Variants in ARHGAP44 observed in about 807,000 individuals in gnomAD.
ARHGAP44 encodes Rho GTPase activating protein 44, also known as rho GTPase-activating protein 44.
In ARHGAP44, 43 loss-of-function variants were observed where a neutral mutation model predicts 106.8. The observed-to-expected ratio is 0.40, with a 90% confidence interval of 0.32 to 0.52. The LOEUF (loss-of-function observed/expected upper bound fraction) is 0.52, where lower values mean the gene tolerates loss of function less well. Among genes scored for constraint, ARHGAP44 ranks in the 20% least tolerant of loss-of-function variants. ARHGAP44 has a pLI of 0.48. For synonymous variants in ARHGAP44, 439 were observed against 410.3 expected, an observed-to-expected ratio of 1.07 and a Z score of -0.85; for missense variants, 866 against 1,050.5, an observed-to-expected ratio of 0.82 and a Z score of 2.43.
chr17:12,820,551 G>T (rs778721661), intron 1 of ARHGAP44, among the ~76,000 whole-genome samples: 1 of 152,080 alleles, frequency 6.6e-6, no homozygotes, highest in Non-Finnish European at 1.5e-5. Context: ...TGGCACTATC[G>T]TGGGAATACA....
At chr17:12,807,647 C>A (rs1028988752) in intron 1 of ARHGAP44, among the ~76,000 whole-genome samples, 1 of 152,136 alleles carries the variant, frequency 6.6e-6, no homozygotes, top group Non-Finnish European at 1.5e-5. Flanking sequence ...CAGTTACCTG[C>A]TACACTGGGT....
chr17:12,839,837 C>T (rs2035341644), intron 1 of ARHGAP44, among the ~76,000 whole-genome samples: 1 of 152,028 alleles, frequency 6.6e-6, no homozygotes, highest in Non-Finnish European at 1.5e-5. Context: ...AGGGATTAAC[C>T]CAGGAATAAA....
At chr17:12,847,978 C>A (rs1250521947) in intron 1 of ARHGAP44, among the ~76,000 whole-genome samples, 3 of 152,138 alleles carry the variant, frequency 2.0e-5, no homozygotes, top group Non-Finnish European at 2.9e-5. Flanking sequence ...TTCTCATGAG[C>A]CTTGTTATTA....
chr17:12,861,760 G>A (rs984518561), intron 1 of ARHGAP44, among the ~76,000 whole-genome samples: 1 of 150,420 alleles, frequency 6.6e-6, no homozygotes, highest in Middle Eastern at 3.4e-3. Flanking sequence ...TCAGCCTCCC[G>A]AGTAGCTGGG....
At chr17:12,880,361 A>G (rs1469479133) in intron 1 of ARHGAP44, among the ~76,000 whole-genome samples, 1 of 152,118 alleles carries the variant, frequency 6.6e-6, no homozygotes, top group Non-Finnish European at 1.5e-5. Flanking sequence ...TTCAGAGATA[A>G]CCATCATTAA....
chr17:12,891,697 C>T (rs895155571), intron 1 of ARHGAP44, among the ~76,000 whole-genome samples: 2 of 152,164 alleles, frequency 1.3e-5, no homozygotes, highest in Non-Finnish European at 2.9e-5. Context: ...CTACTATTTA[C>T]ATAACTTATC....
intron 16 of ARHGAP44, among the ~76,000 whole-genome samples, chr17:12,968,492 C>G (rs2039445370): frequency 6.6e-6 from 1 of 152,160 alleles, no homozygotes; most frequent in South Asian, 2.1e-4. Context: ...ACTCCTGCCT[C>G]CTTTACTGCC....
chr17:12,909,021 C>A (rs1166799949), intron 4 of ARHGAP44, 48 bp downstream of exon 4: 6 of 1,508,126 alleles, frequency 4.0e-6, no homozygotes, highest in Non-Finnish European at 5.4e-6. Context: ...AAGTAAGTCC[C>A]CATCCGTGAA....
intron 1 of ARHGAP44, among the ~76,000 whole-genome samples, chr17:12,853,941 C>G (rs1192552560): frequency 6.6e-6 from 1 of 152,148 alleles, no homozygotes; most frequent in Non-Finnish European, 1.5e-5. Context: ...GTGTTCTGGC[C>G]CCAGCTCATT....
chr17:12,980,565 A>G (rs2143409366), intron 19 of ARHGAP44, among the ~76,000 whole-genome samples: 1 of 152,288 alleles, frequency 6.6e-6, no homozygotes, highest in Middle Eastern at 3.4e-3. Flanking sequence ...GAAAAGCTGT[A>G]TAGGGTCATC....
At chr17:12,849,717 C>T (rs1008728835) in intron 1 of ARHGAP44, among the ~76,000 whole-genome samples, 9 of 151,844 alleles carry the variant, frequency 5.9e-5, no homozygotes, top group African/African-American at 1.5e-4. Context: ...GAACAGCATC[C>T]GCAAATTATT....
intron 1 of ARHGAP44, among the ~76,000 whole-genome samples, chr17:12,860,937 A>T (rs1446521547): frequency 1.3e-5 from 2 of 150,330 alleles, no homozygotes; most frequent in African/African-American, 4.9e-5. Flanking sequence ...ACTCACTGCA[A>T]CCTCCACCTC....
At position 12,871,499 on chromosome 17, in the gene ARHGAP44, A is replaced by G. The variant is rs565269160; in HGVS notation, c.54-23441A>G. Among the ~76,000 whole-genome samples, 178 of 152,238 alleles carry G rather than the reference A, an allele frequency of 1.2e-3. 2 individuals carry two copies. The highest frequency in any genetic ancestry group is 3.0e-3 in the African/African-American group (126 of 41,550). ...GGTGGAAGGTGAAGGGGAAGCAATC[A>G]TGTCTTATGTAGCCAGAGCAGGAGG... On this transcript the variant is annotated intron_variant, in intron 1 of 20. Coordinates refer to ENST00000379672, the MANE Select transcript of ARHGAP44 (RefSeq NM_014859.6).
intron 16 of ARHGAP44, among the ~76,000 whole-genome samples, chr17:12,972,356 C>T (rs2039547487): frequency 6.6e-6 from 1 of 152,104 alleles, no homozygotes; most frequent in Non-Finnish European, 1.5e-5. Flanking sequence ...ACTTAGAAGT[C>T]AGTGGATAAG....
At chr17:12,831,141 T>C (rs2035075512) in intron 1 of ARHGAP44, among the ~76,000 whole-genome samples, 1 of 152,210 alleles carries the variant, frequency 6.6e-6, no homozygotes, top group Non-Finnish European at 1.5e-5. Context: ...ATGCCATACC[T>C]TATCTCATTG....
chr17:12,830,217 C>A (rs1433149476), intron 1 of ARHGAP44, among the ~76,000 whole-genome samples: 2 of 152,192 alleles, frequency 1.3e-5, no homozygotes, highest in Non-Finnish European at 2.9e-5. Context: ...GCTAAATTAT[C>A]TTAAGCCAAA....
At chr17:12,898,685 A>G (rs546433388) in intron 3 of ARHGAP44, among the ~76,000 whole-genome samples, 3 of 152,284 alleles carry the variant, frequency 2.0e-5, no homozygotes, top group East Asian at 1.9e-4. Context: ...TGATAAGACC[A>G]TGAATTCATT....
chr17:12,966,661 G>A (rs761249514), intron 16 of ARHGAP44, among the ~76,000 whole-genome samples: 23 of 152,230 alleles, frequency 1.5e-4, no homozygotes, highest in Non-Finnish European at 2.8e-4. Flanking sequence ...CCTACAGTGG[G>A]TGTTTGGGAA....
chr17:12,867,671 A>G (rs1427480496), intron 1 of ARHGAP44, among the ~76,000 whole-genome samples: 3 of 152,148 alleles, frequency 2.0e-5, no homozygotes, highest in Non-Finnish European at 4.4e-5. Flanking sequence ...CTATCCTTAC[A>G]CGTTACACAG....
Sources: allele counts gnomAD v4.1 joint callset (sites outside exome capture counted in the v4.1 genomes callset), GRCh38; gene constraint gnomAD v4.1.1; transcripts MANE v1.5; gene names NCBI Gene and HGNC (gene_info 2026-07-23, HGNC 2026-07-21).